The following GRID1 variants were observed in gnomAD, a reference collection of about 807,000 sequenced individuals.
GRID1 encodes glutamate ionotropic receptor delta type subunit 1.
A neutral mutation model predicts 98.0 loss-of-function variants in GRID1; 28 were observed. That is an observed-to-expected ratio of 0.29 (90% CI 0.21 to 0.39). The LOEUF is 0.39. Ranked by LOEUF, GRID1 falls within the 10% of genes least tolerant of loss-of-function variation. GRID1 has a pLI of 1.00. For missense variants in GRID1, 1,111 were observed against 1,340.5 expected (o/e 0.83, Z 2.67); for synonymous variants, 553 against 538.5 (o/e 1.03, Z -0.37).
At chr10:85,963,005 G>A (rs868729304) in intron 4 of GRID1, among the ~76,000 whole-genome samples, 1 of 152,182 alleles carries the variant, frequency 6.6e-6, no homozygotes, top group Non-Finnish European at 1.5e-5. Context: ...CAGGTTCTGT[G>A]TGAGCCTAAG....
At chr10:85,828,364 C>T (rs891819830) in intron 8 of GRID1, among the ~76,000 whole-genome samples, 2 of 151,626 alleles carry the variant, frequency 1.3e-5, no homozygotes, top group Admixed American at 6.6e-5. Flanking sequence ...AACAACCTAA[C>T]ATCATACCTA....
intron 3 of GRID1, among the ~76,000 whole-genome samples, chr10:86,184,770 A>G (rs943648587): frequency 1.3e-5 from 2 of 152,204 alleles, no homozygotes; most frequent in Non-Finnish European, 1.5e-5. Flanking sequence ...ATCTACAAAA[A>G]AGCTACTAGC....
chr10:85,895,016 A>AATATATATATATATATATATAT (rs67350023), intron 5 of GRID1, among the ~76,000 whole-genome samples: 3 of 97,108 alleles, frequency 3.1e-5, no homozygotes, highest in Non-Finnish European at 4.1e-5. Context: ...AAAAAAAAAA[A>AATATATATATATATATATATAT]ATATATATAT....
At chr10:85,889,007 A>G (rs1233376974) in intron 5 of GRID1, among the ~76,000 whole-genome samples, 1 of 152,182 alleles carries the variant, frequency 6.6e-6, no homozygotes, top group Non-Finnish European at 1.5e-5. Flanking sequence ...ACTTTTTCAG[A>G]TGTGATATTC....
intron 2 of GRID1, among the ~76,000 whole-genome samples, chr10:86,359,238 T>C (rs2114825): frequency 0.3 from 45,029 of 152,106 alleles, 9,616 homozygotes; most frequent in African/African-American, 0.59. Flanking sequence ...GAGCCTCTGA[T>C]GGTGTCTGGT....
chr10:85,621,622 A>G (rs1323783527), intron 13 of GRID1, among the ~76,000 whole-genome samples: 1 of 151,998 alleles, frequency 6.6e-6, no homozygotes, highest in Non-Finnish European at 1.5e-5. Flanking sequence ...AATGACACAC[A>G]CCTGTGCCAC....
At chr10:86,171,489 G>A (rs1845486641) in intron 3 of GRID1, among the ~76,000 whole-genome samples, 1 of 152,226 alleles carries the variant, frequency 6.6e-6, no homozygotes, top group African/African-American at 2.4e-5. Context: ...CTACTAACTG[G>A]CTTTATCTCT....
chr10:86,117,671 T>G lies in GRID1; in HGVS notation c.726+21148A>C, dbSNP rs902194477. ...CTCACAGATCACAACTAATTTGACC[T>G]TCAAAAAGTGAATTAGAATATCCCA... On this transcript the variant is annotated intron_variant, in intron 4 of 15. Transcript: ENST00000327946. 2.0e-5 allele frequency among the ~76,000 whole-genome samples: 3 copies of G among 152,206 alleles called. No individual in the cohort carries two copies. The South Asian group carries it at 6.2e-4, about 32-fold the overall frequency.
intron 4 of GRID1, among the ~76,000 whole-genome samples, chr10:85,942,413 TG>T (rs1467087379): frequency 3.3e-5 from 5 of 152,200 alleles, no homozygotes; most frequent in Non-Finnish European, 7.3e-5. Flanking sequence ...TCCAACTGTC[TG>T]GGGCCTGTGA....
At chr10:86,211,845 G>T (rs572106918) in intron 2 of GRID1, among the ~76,000 whole-genome samples, 13 of 152,220 alleles carry the variant, frequency 8.5e-5, no homozygotes, top group Non-Finnish European at 1.6e-4. Flanking sequence ...GCCAGCAGGG[G>T]ACAGAACCCA....
At chr10:85,627,214 T>C (rs1229882684) in intron 13 of GRID1, among the ~76,000 whole-genome samples, 2 of 152,194 alleles carry the variant, frequency 1.3e-5, no homozygotes, top group Admixed American at 1.3e-4. Flanking sequence ...TCCAACTGTA[T>C]GAGTTTAAAT....
At chr10:85,912,600 A>C (rs1366739169) in intron 5 of GRID1, among the ~76,000 whole-genome samples, 1 of 152,248 alleles carries the variant, frequency 6.6e-6, no homozygotes, top group Non-Finnish European at 1.5e-5. Flanking sequence ...AGCTGGGGGC[A>C]CAGCTGGAGG....
chr10:86,016,339 G>A (rs778169738), intron 4 of GRID1, among the ~76,000 whole-genome samples: 9 of 151,682 alleles, frequency 5.9e-5, no homozygotes, highest in Non-Finnish European at 8.8e-5. Context: ...GTAGAGACGG[G>A]GTTTCACCGT....
chr10:85,952,428 T>C (rs1842137542), intron 4 of GRID1, among the ~76,000 whole-genome samples: 1 of 152,244 alleles, frequency 6.6e-6, no homozygotes. Context: ...AAATTATTCT[T>C]TTATTAATCC....
chr10:86,040,061 AG>A (rs1249826499), intron 4 of GRID1, among the ~76,000 whole-genome samples: 9 of 152,190 alleles, frequency 5.9e-5, no homozygotes, highest in Admixed American at 1.3e-4. Flanking sequence ...GCCGCATTTC[AG>A]GTAGGGCATC....
intron 4 of GRID1, among the ~76,000 whole-genome samples, chr10:86,102,022 G>A (rs1844304038): frequency 6.6e-6 from 1 of 152,202 alleles, no homozygotes; most frequent in African/African-American, 2.4e-5. Context: ...AGCAAACCAG[G>A]ATGATTCTGA....
chr10:85,959,910 C>A (rs1002980455), intron 4 of GRID1, among the ~76,000 whole-genome samples: 9 of 151,626 alleles, frequency 5.9e-5, no homozygotes, highest in Non-Finnish European at 8.8e-5. Context: ...AAGACAGGAT[C>A]TCACTCTGTC....
intron 2 of GRID1, among the ~76,000 whole-genome samples, chr10:86,339,677 G>A (rs1389847400): frequency 1.3e-5 from 2 of 152,216 alleles, no homozygotes; most frequent in Admixed American, 6.5e-5. Context: ...CGAGCAGAGT[G>A]GGGAGGCTGG....
intron 4 of GRID1, among the ~76,000 whole-genome samples, chr10:85,929,771 A>G (rs1841824060): frequency 6.6e-6 from 1 of 152,222 alleles, no homozygotes; most frequent in African/African-American, 2.4e-5. Context: ...TGCTCCCCAG[A>G]GGCAAACACT....
Sources: allele counts gnomAD v4.1 joint callset (sites outside exome capture counted in the v4.1 genomes callset), GRCh38; gene constraint gnomAD v4.1.1; transcripts MANE v1.5; gene names NCBI Gene and HGNC (gene_info 2026-07-23, HGNC 2026-07-21).